Variants in VWA5B1 observed in about 807,000 individuals in gnomAD.
The protein encoded by VWA5B1 is von Willebrand factor A domain-containing protein 5B1.
A neutral mutation model predicts 118.2 loss-of-function variants in VWA5B1; 115 were observed. That is an observed-to-expected ratio of 0.97 (90% CI 0.84 to 1.14). VWA5B1 has a LOEUF of 1.14. Among genes scored for constraint, VWA5B1 ranks in the 50% most tolerant of loss-of-function variants. VWA5B1 has a pLI of 0.00. For missense variants in VWA5B1, 1,596 were observed against 1,603.8 expected, an observed-to-expected ratio of 1.00 and a Z score of 0.08; for synonymous variants, 682 against 658.4, an observed-to-expected ratio of 1.04 and a Z score of -0.55.
chr1:20,308,142 T>C (rs1236575224), intron 1 of VWA5B1, among the ~76,000 whole-genome samples: 1 of 152,230 alleles, frequency 6.6e-6, no homozygotes, highest in Non-Finnish European at 1.5e-5. Flanking sequence ...TGGTTTTCTG[T>C]TCCTGCATTA....
chr1:20,323,376 C>G lies in VWA5B1; in HGVS notation c.987C>G (p.Arg329=). 6.7e-7 allele frequency: 1 copy of G among 1,500,048 alleles called. No homozygotes were observed. 92.9% of individuals were successfully genotyped at this position (1,500,048 alleles called of 1,614,324 possible). ...TCCAGACAGAAATCATTCGAAAACG[C>G]CTCCACAAAGACATTCCCCACCACT... ...AERKTEIIRK[R]LHKDIPHHSV... The change falls in exon 8 of 22, where the codon CGC becomes CGG. Residue 329 remains arginine, a synonymous_variant. Coordinates refer to ENST00000289815, the MANE Select transcript of VWA5B1 (RefSeq NM_001039500.3).
rs1448949016 is a variant in VWA5B1, at chr1:20,299,041, AAAAG to A, written c.-27+7963_-27+7966del. Among the ~76,000 whole-genome samples, 6 of 152,256 alleles carry A rather than the reference AAAAG, an allele frequency of 3.9e-5. No homozygotes were observed. In the South Asian group the frequency reaches 8.3e-4, roughly 21 times the overall value. The stretch of plus-strand genomic sequence containing the variant: ...TTATGTTCACTCAGATCACCCTGTA[AAAAG>A]AAAGAAAGATTGCACTTACAGGGTT... On this transcript the variant is annotated intron_variant, in intron 1 of 21. Transcript: ENST00000289815.
At position 20,358,762 on chromosome 1, in the gene VWA5B1, A is replaced by T. The variant is rs1402759285; in HGVS notation, c.*4499A>T. On this transcript the variant is annotated 3_prime_UTR_variant, in exon 22 of 22. Coordinates refer to ENST00000289815, the MANE Select transcript of VWA5B1 (RefSeq NM_001039500.3). ...TTCTTACCAATCTAGCAGAGACTAG[A>T]GAAGTCAACAGAAAAAAGATGGACA... 6.6e-6 allele frequency among the ~76,000 whole-genome samples: 1 copy of T among 152,244 alleles called. No individual in the cohort carries two copies. Among genetic ancestry groups the T allele is most frequent in the African/African-American group, 2.4e-5 (1 of 41,470 alleles).
chr1:20,298,366 A>G (rs2088446460), intron 1 of VWA5B1, among the ~76,000 whole-genome samples: 1 of 152,042 alleles, frequency 6.6e-6, no homozygotes, highest in South Asian at 2.1e-4. Context: ...ACTGCTTACA[A>G]TTCCATCATT....
rs71585757 is a variant in VWA5B1, at chr1:20,355,796, GC to G, written c.*1539del. On this transcript the variant is annotated 3_prime_UTR_variant, in exon 22 of 22. Coordinates refer to ENST00000289815, the MANE Select transcript of VWA5B1 (RefSeq NM_001039500.3). ...CAGCCCCAACATGATATGGTGCCCT[GC>G]CCCCCACCCCCACCCCTCCATCTAT... Among the ~76,000 whole-genome samples, 35 of 148,558 alleles carry G rather than the reference GC, an allele frequency of 2.4e-4. No homozygotes were observed. In the East Asian group the frequency reaches 6.4e-3, roughly 27 times the overall value.
Position 20,318,737 on chromosome 1 carries a change from A to G in VWA5B1, c.841+16A>G, listed in dbSNP as rs907680859. The G allele has an allele frequency of 1.7e-5, 25 of 1,469,458 alleles. No individual in the cohort carries two copies. The highest frequency in any genetic ancestry group is 7.1e-5 in the African/African-American group (5 of 70,838). The allele number at this position is 1,469,458 out of a possible 1,614,324, so 91.0% of individuals were successfully genotyped here. ...CACCCCAGCGGTACGGTGCCCCACA[A>G]CGGGCCCCTGGGCTGCCTGTGGGAG... On this transcript the variant is annotated intron_variant, in intron 6 of 21. Coordinates refer to ENST00000289815, the MANE Select transcript of VWA5B1 (RefSeq NM_001039500.3).
Position 20,348,340 on chromosome 1 carries a change from G to T in VWA5B1, c.2860G>T (p.Asp954Tyr). ...AAGGCCGCAGACGATGCTTGGAGAA[G>T]ATTCGGCACCAGGAAATGGTAAATT... The part of the protein sequence containing the change: ...FGRPQTMLGE[D>Y]SAPGNDMEAS... Residue 954 changes from aspartate (D) to tyrosine (Y), a missense_variant, in exon 18 of 22, where the codon GAT becomes TAT. Asp to Tyr is a radical substitution (Grantham distance 160). Coordinates refer to ENST00000289815, the MANE Select transcript of VWA5B1 (RefSeq NM_001039500.3). 1 of 1,551,678 alleles carries T rather than the reference G, an allele frequency of 6.4e-7. No homozygotes were observed.
intron 1 of VWA5B1, among the ~76,000 whole-genome samples, chr1:20,306,586 G>A (rs1216108212): frequency 6.6e-6 from 1 of 152,196 alleles, no homozygotes; most frequent in African/African-American, 2.4e-5. Context: ...AGCACCTGGT[G>A]TCCTTCAGTG....
chr1:20,317,280 C>T (rs990371154), intron 4 of VWA5B1, among the ~76,000 whole-genome samples: 3 of 151,996 alleles, frequency 2.0e-5, no homozygotes, highest in African/African-American at 4.8e-5. Flanking sequence ...GCGGTGAGAA[C>T]GATGTGAGCT....
chr1:20,297,872 A>G (rs959558132), intron 1 of VWA5B1, among the ~76,000 whole-genome samples: 5 of 152,084 alleles, frequency 3.3e-5, no homozygotes, highest in African/African-American at 1.2e-4. Flanking sequence ...TGGGATAATA[A>G]TCCGTATTTT....
chr1:20,328,091 A>G, intron 9 of VWA5B1, 91 bp downstream of exon 9: 1 of 1,266,404 alleles, frequency 7.9e-7, no homozygotes, highest in Non-Finnish European at 1.1e-6. Flanking sequence ...TTAAAACCCT[A>G]GTGCTGGCCT....
Position 20,320,020 on chromosome 1 carries a change from G to C in VWA5B1, c.966+514G>C, listed in dbSNP as rs567564262. Reference sequence around the variant, plus strand: ...TGAAGCTGCAGGACAAGGAGGCCTGGCCAGGGGCCAGGAATGGGAAAGGGA... The same window carrying C: ...TGAAGCTGCAGGACAAGGAGGCCTGCCCAGGGGCCAGGAATGGGAAAGGGA... On this transcript the variant is annotated intron_variant, in intron 7 of 21. Transcript: ENST00000289815. Among the ~76,000 whole-genome samples the C allele has an allele frequency of 2.3e-4, 35 of 152,324 alleles. 2 individuals are homozygous for C. In the South Asian group the frequency reaches 6.8e-3, roughly 30 times the overall value.
At chr1:20,330,093 G>T in intron 9 of VWA5B1, 87 bp from the exon 10 acceptor site, 6 of 1,446,522 alleles carry the variant, frequency 4.1e-6, no homozygotes, top group Non-Finnish European at 5.7e-6. Context: ...GCTAAAAGAA[G>T]ATCTAGGGAA....
rs372630979 is a variant in VWA5B1, at chr1:20,302,843, A to C, written c.-26-7733A>C. 1.7e-4 allele frequency among the ~76,000 whole-genome samples: 26 copies of C among 152,192 alleles called. No individual in the cohort carries two copies. The East Asian group carries it at 2.1e-3, about 12-fold the overall frequency. On this transcript the variant is annotated intron_variant, in intron 1 of 21. Coordinates refer to ENST00000289815, the MANE Select transcript of VWA5B1 (RefSeq NM_001039500.3). ...CTGGCAAAGCCCACAGTGCCAGAAG[A>C]GATAGCGGTAGCAGAAGTCAGCCTT...
At chr1:20,297,873 TC>T (rs1271542406) in intron 1 of VWA5B1, among the ~76,000 whole-genome samples, 1 of 152,180 alleles carries the variant, frequency 6.6e-6, no homozygotes, top group Non-Finnish European at 1.5e-5. Context: ...GGGATAATAA[TC>T]CGTATTTTGC....
intron 15 of VWA5B1, among the ~76,000 whole-genome samples, chr1:20,342,839 A>G (rs1367291301): frequency 6.6e-6 from 1 of 152,036 alleles, no homozygotes; most frequent in Non-Finnish European, 1.5e-5. Context: ...GTCCCACCCC[A>G]TACTATCTGG....
chr1:20,331,689 G>A (rs2089559748), intron 11 of VWA5B1, among the ~76,000 whole-genome samples: 1 of 152,032 alleles, frequency 6.6e-6, no homozygotes, highest in South Asian at 2.1e-4. Context: ...AAATGAGCAG[G>A]ATCTAGTATC....
intron 8 of VWA5B1, 146 bp from the exon 9 acceptor site, chr1:20,327,744 G>A: frequency 1.4e-6 from 1 of 701,152 alleles, no homozygotes; most frequent in South Asian, 1.8e-5. Flanking sequence ...TTGATGTGAG[G>A]GAAAAGGAGT....
chr1:20,292,196 C>T (rs1557822631), intron 1 of VWA5B1, among the ~76,000 whole-genome samples: 1 of 151,090 alleles, frequency 6.6e-6, no homozygotes, highest in Non-Finnish European at 1.5e-5. Flanking sequence ...TCCCTTACCT[C>T]CTTCCTTCTT....
Sources: allele counts gnomAD v4.1 joint callset (sites outside exome capture counted in the v4.1 genomes callset), GRCh38; gene constraint gnomAD v4.1.1; transcripts MANE v1.5; gene names NCBI Gene and HGNC (gene_info 2026-07-23, HGNC 2026-07-21).